FMN1: variants seen among roughly 807,000 people sequenced by gnomAD.
The protein encoded by FMN1 is formin 1, also known as formin-1.
In FMN1, 110 loss-of-function variants were observed where a neutral mutation model predicts 132.4. The ratio of observed to expected loss-of-function variants is 0.83; its 90% CI spans 0.71 to 0.97. The LOEUF is 0.97. FMN1 is among the 50% of genes least tolerant of loss of function. The pLI is 0.00. For synonymous variants in FMN1, 722 were observed against 651.7 expected (o/e 1.11, Z -1.64); for missense variants, 1,792 against 1,705.3 (o/e 1.05, Z -0.90).
At position 32,917,923 on chromosome 15, in the gene FMN1, T is replaced by A. The variant is rs562317685; in HGVS notation, c.3227-7388A>T. On this transcript the variant is annotated intron_variant, in intron 10 of 20. Transcript: ENST00000616417. ...TACAGCCCATGTTATGAAAATTTCA[T>A]TTATTTAGTATATACATTCATAGTT... 4.6e-5 allele frequency among the ~76,000 whole-genome samples: 7 copies of A among 152,334 alleles called. No individual in the cohort carries two copies. In the East Asian group the frequency reaches 1.2e-3, roughly 25 times the overall value.
At position 33,018,085 on chromosome 15, in the gene FMN1, T is replaced by A. The variant is rs552011859; in HGVS notation, c.2162-10010A>T. Among the ~76,000 whole-genome samples the A allele has an allele frequency of 1.3e-4, 19 of 142,010 alleles. No individual in the cohort carries two copies. The East Asian group carries it at 3.5e-3, about 26-fold the overall frequency. The allele number at this position is 142,010 out of a possible 152,430, so 93.2% of individuals were successfully genotyped here. A position where few individuals can be genotyped will look rare whatever the true frequency, so the allele number is the denominator to read the frequency against. Reference sequence around the variant, plus strand: ...CTCTCAAGAAAAAAAAAAAAAAAAATTTATATGTTAAAATCCTACCCCCTT... The same window carrying A: ...CTCTCAAGAAAAAAAAAAAAAAAAAATTATATGTTAAAATCCTACCCCCTT... On this transcript the variant is annotated intron_variant, in intron 6 of 20. Coordinates refer to ENST00000616417, the MANE Select transcript of FMN1 (RefSeq NM_001277313.2).
chr15:33,059,620 C>G (rs746153528), intron 6 of FMN1, among the ~76,000 whole-genome samples: 1 of 152,292 alleles, frequency 6.6e-6, no homozygotes, highest in Non-Finnish European at 1.5e-5. Context: ...TTTAGACTAT[C>G]TTTATCTCCA....
At chr15:33,040,291 T>C (rs1005517999) in intron 6 of FMN1, among the ~76,000 whole-genome samples, 1 of 152,200 alleles carries the variant, frequency 6.6e-6, no homozygotes, top group Non-Finnish European at 1.5e-5. Context: ...TGTGTTCCAC[T>C]ATATGCTAAT....
intron 6 of FMN1, among the ~76,000 whole-genome samples, chr15:33,042,710 A>G (rs1236450526): frequency 1.3e-5 from 2 of 152,164 alleles, no homozygotes; most frequent in African/African-American, 4.8e-5. Context: ...TGATAATAAC[A>G]GCTTACATTA....
chr15:33,153,913 C>T lies in FMN1; in HGVS notation c.1002G>A (p.Gln334=). 6.5e-7 allele frequency: 1 copy of T among 1,536,804 alleles called. No individual in the cohort carries two copies. Among genetic ancestry groups the T allele is most frequent in the Admixed American group, 2.0e-5 (1 of 51,006 alleles). The change falls in exon 4 of 21, where the codon CAG becomes CAA. Residue 334 remains glutamine (Q), a synonymous_variant. Coordinates refer to ENST00000616417, the MANE Select transcript of FMN1 (RefSeq NM_001277313.2). The part of the protein sequence containing the change: ...KPVSKVVAKV[Q]DLSSQVQRVV... Reference sequence around the variant, plus strand: ...CTCTTTGTACCTGGGAGGACAGGTCCTGAACTTTGGCCACCACTTTGGAGA... The same window carrying T: ...CTCTTTGTACCTGGGAGGACAGGTCTTGAACTTTGGCCACCACTTTGGAGA...
At chr15:32,965,193 T>A (rs1166489085) in intron 8 of FMN1, among the ~76,000 whole-genome samples, 1 of 151,538 alleles carries the variant, frequency 6.6e-6, no homozygotes, top group Non-Finnish European at 1.5e-5. Context: ...GGGTCAGGAG[T>A]TCAAGACCAG....
chr15:33,006,876 G>A (rs2034445495), intron 7 of FMN1, among the ~76,000 whole-genome samples: 1 of 152,078 alleles, frequency 6.6e-6, no homozygotes, highest in African/African-American at 2.4e-5. Context: ...TGGTTACCAG[G>A]GGCTAGGGGC....
chr15:32,801,070 T>G (rs1567188090), intron 18 of FMN1, among the ~76,000 whole-genome samples: 2 of 152,244 alleles, frequency 1.3e-5, no homozygotes, highest in African/African-American at 4.8e-5. Context: ...ATGGAACACC[T>G]GACACCTCTG....
chr15:32,770,071 G>A lies in FMN1; in HGVS notation c.*4239C>T, dbSNP rs1159326513. The A allele has an allele frequency of 6.6e-6, 1 of 152,014 alleles. No individual in the cohort carries two copies. The highest frequency in any genetic ancestry group is 2.4e-5 in the African/African-American group (1 of 41,406). 9.4% of individuals were successfully genotyped at this position (152,014 alleles called of 1,614,324 possible). A position where few individuals can be genotyped will look rare whatever the true frequency, so the allele number is the denominator to read the frequency against. On this transcript the variant is annotated 3_prime_UTR_variant, in exon 21 of 21. Transcript: ENST00000616417. ...GGAGGGGGGAAGGCTATATATTTTT[G>A]GACTTCTTCCTTTTTGTCATATAAA...
intron 6 of FMN1, among the ~76,000 whole-genome samples, chr15:33,032,180 T>A (rs1224455451): frequency 6.6e-6 from 1 of 152,188 alleles, no homozygotes; most frequent in Non-Finnish European, 1.5e-5. Flanking sequence ...GGGTCATTAG[T>A]TAGGAAAGAG....
At chr15:32,975,281 G>C (rs1016969706) in intron 7 of FMN1, among the ~76,000 whole-genome samples, 1 of 152,232 alleles carries the variant, frequency 6.6e-6, no homozygotes, top group East Asian at 1.9e-4. Flanking sequence ...CAGGCAGTTG[G>C]GGACCACAAT....
chr15:32,803,474 TGA>T (rs986878383), intron 18 of FMN1, among the ~76,000 whole-genome samples: 1 of 152,134 alleles, frequency 6.6e-6, no homozygotes, highest in Non-Finnish European at 1.5e-5. Flanking sequence ...TGATATCTAT[TGA>T]GAGAGTGAGC....
intron 7 of FMN1, among the ~76,000 whole-genome samples, chr15:32,982,237 A>C (rs2032736178): frequency 6.6e-6 from 1 of 152,180 alleles, no homozygotes; most frequent in Non-Finnish European, 1.5e-5. Flanking sequence ...GGGAGGAGTG[A>C]GAGAAGAAAA....
intron 4 of FMN1, among the ~76,000 whole-genome samples, chr15:33,114,067 C>G (rs1279233966): frequency 1.3e-5 from 2 of 152,208 alleles, no homozygotes; most frequent in Admixed American, 1.3e-4. Flanking sequence ...CTACCCAACA[C>G]CTTCTCTTGG....
rs554358303 is a variant in FMN1 at position 32,994,266 on chromosome 15, G to A, written c.2223+13748C>T. Among the ~76,000 whole-genome samples, 9 of 143,520 alleles carry A rather than the reference G, an allele frequency of 6.3e-5. No homozygotes were observed. In the East Asian group the frequency reaches 2.0e-3, roughly 31 times the overall value. The allele number at this position is 143,520 out of a possible 152,430, so 94.2% of individuals were successfully genotyped here. A position where few individuals can be genotyped will look rare whatever the true frequency, so the allele number is the denominator to read the frequency against. ...CACACACACAGACACACACACACAC[G>A]TAACCTGGGTCTCGATATAAATTAC... is the stretch of plus-strand genomic sequence containing the variant. On this transcript the variant is annotated intron_variant, in intron 7 of 20. Transcript: ENST00000616417.
chr15:33,014,937 A>AT (rs2034952376), intron 6 of FMN1, among the ~76,000 whole-genome samples: 2 of 152,170 alleles, frequency 1.3e-5, no homozygotes, highest in Non-Finnish European at 2.9e-5. Flanking sequence ...ATTGAGGGTT[A>AT]TTTTTCAGGA....
intron 5 of FMN1, among the ~76,000 whole-genome samples, chr15:33,071,198 C>T (rs2037985198): frequency 6.6e-6 from 1 of 152,192 alleles, no homozygotes; most frequent in Admixed American, 6.5e-5. Context: ...CTGAGGATGA[C>T]TGTTCTTTTC....
In FMN1 at chr15:32,849,193, G is replaced by A. The variant is rs376514510; in HGVS notation, c.3928+7822C>T. Among the ~76,000 whole-genome samples the A allele has an allele frequency of 9.5e-4, 140 of 148,096 alleles. 3 individuals carry two copies. In the Middle Eastern group the frequency reaches 0.017, roughly 18 times the overall value. On this transcript the variant is annotated intron_variant, in intron 17 of 20. Coordinates refer to ENST00000616417, the MANE Select transcript of FMN1 (RefSeq NM_001277313.2). ...TTTTTAGTAGACACGGGGTTTCATC[G>A]TGTTAGCCAGGATGGTCTCGGTCTC...
intron 19 of FMN1, among the ~76,000 whole-genome samples, chr15:32,784,606 A>G (rs1184473451): frequency 1.3e-5 from 2 of 152,208 alleles, no homozygotes; most frequent in Non-Finnish European, 2.9e-5. Context: ...GGGCTCCAGT[A>G]AAACATCAAA....
Sources: gnomAD v4.1 joint callset for allele counts (sites outside exome capture counted in the v4.1 genomes callset) on GRCh38, gnomAD v4.1.1 for gene constraint, MANE v1.5 for transcripts, NCBI Gene and HGNC (gene_info 2026-07-23, HGNC 2026-07-21) for gene names.